The following SLIT3 variants were observed in gnomAD, a reference collection of about 807,000 sequenced individuals.
SLIT3 encodes slit guidance ligand 3.
Under a neutral mutation model 184.0 loss-of-function variants are expected in SLIT3, and 68 were observed. That is an observed-to-expected ratio of 0.37 (90% CI 0.30 to 0.45). SLIT3 has a LOEUF of 0.45. SLIT3 is among the 20% of genes least tolerant of loss of function. The probability of loss-of-function intolerance (pLI) is 1.00; values close to 1 mark genes in which losing one functional copy is unlikely to be tolerated. For missense variants in SLIT3, 1,707 were observed against 2,026.0 expected, an observed-to-expected ratio of 0.84 and a Z score of 3.02; for synonymous variants, 831 against 828.6, an observed-to-expected ratio of 1.00 and a Z score of -0.05.
chr5:168,760,851 AGTT>A lies in SLIT3; in HGVS notation c.1685+8_1685+10del, dbSNP rs745804482. 3.8e-5 allele frequency: 61 copies of A among 1,607,040 alleles called. No individual in the cohort carries two copies. Among genetic ancestry groups the A allele is most frequent in the Non-Finnish European group, 5.0e-5 (59 of 1,173,772 alleles). Reference sequence around the variant, plus strand: ...ACAGAGGCTGCTGCCAAGTTCCTGAAGTTGACTTACATTTTCCGCAGGTTGGGC... The same window carrying A: ...ACAGAGGCTGCTGCCAAGTTCCTGAAGACTTACATTTTCCGCAGGTTGGGC... On this transcript the variant is annotated splice_region_variant and intron_variant, in intron 16 of 35. Coordinates refer to ENST00000519560, the MANE Select transcript of SLIT3 (RefSeq NM_003062.4).
intron 16 of SLIT3, 22 bp downstream of exon 16, chr5:168,760,840 C>T: frequency 6.3e-7 from 1 of 1,594,354 alleles, no homozygotes; most frequent in South Asian, 1.1e-5. Flanking sequence ...AGGCTGCTGC[C>T]AAGTTCCTGA....
At chr5:169,126,539 G>A (rs1761086400) in intron 4 of SLIT3, among the ~76,000 whole-genome samples, 1 of 152,204 alleles carries the variant, frequency 6.6e-6, no homozygotes, top group Non-Finnish European at 1.5e-5. Flanking sequence ...GCACAACTTA[G>A]ACCTGGACTG....
chr5:168,749,515 C>T lies in SLIT3; in HGVS notation c.2094G>A (p.Glu698=). ...GGATGGCCACATCCTGGATGGGAAT[C>T]TCCTTGAGGAAAAATGGCTTCTGGC... ...PRCQKPFFLK[E]IPIQDVAIQD... The change falls in exon 19 of 36, where the codon GAG becomes GAA. Residue 698 remains glutamate (E), a synonymous_variant. Transcript: ENST00000519560. 1.2e-6 allele frequency: 2 copies of T among 1,614,188 alleles called. No homozygotes were observed. The highest frequency in any genetic ancestry group is 1.7e-6 in the Non-Finnish European group (2 of 1,180,022).
intron 4 of SLIT3, among the ~76,000 whole-genome samples, chr5:168,938,444 T>G (rs1284827531): frequency 1.3e-5 from 2 of 152,192 alleles, no homozygotes; most frequent in Admixed American, 6.5e-5. Flanking sequence ...ACTGAGAAAG[T>G]GACAGATGGA....
At chr5:168,897,902 C>T (rs533605944) in intron 4 of SLIT3, among the ~76,000 whole-genome samples, 54 of 150,530 alleles carry the variant, frequency 3.6e-4, no homozygotes, top group African/African-American at 8.3e-4. Flanking sequence ...GACACCCCCC[C>T]ACCTTTGCAT....
chr5:168,706,691 G>T (rs1762380928), intron 26 of SLIT3: 1 of 152,224 alleles, frequency 6.6e-6, no homozygotes, highest in Non-Finnish European at 1.5e-5. Context: ...GTAAGTTTAA[G>T]ACTTTGGAGG....
rs780222787 is a variant in SLIT3, at chr5:168,710,976, C to T, written c.2638G>A (p.Gly880Ser). ...TCAGGGCTACTGCAGCGGGCGATGCCAGGCTCCTTGTACCCCGCCTTCACC... is the reference window on the plus strand; with the variant it reads ...TCAGGGCTACTGCAGCGGGCGATGCTAGGCTCCTTGTACCCCGCCTTCACC... ...EWVKAGYKEP[G>S]IARCSSPEPM... Residue 880 changes from glycine to serine, a missense_variant, in exon 25 of 36, where the codon GGC (glycine) becomes AGC (serine). Physicochemically the swap from Gly to Ser is moderately conservative, Grantham distance 56 (BLOSUM62 0). This residue lies in a region of SLIT3 where 1,307 missense variants were observed against 1,511.6 expected (regional missense o/e 0.86). Transcript: ENST00000519560. 6.4e-7 allele frequency: 1 copy of T among 1,568,354 alleles called. No individual in the cohort carries two copies. Among genetic ancestry groups the T allele is most frequent in the Non-Finnish European group, 8.7e-7 (1 of 1,155,770 alleles).
chr5:169,176,217 G>A (rs79983152), intron 4 of SLIT3, among the ~76,000 whole-genome samples: 1,613 of 152,246 alleles, frequency 0.011, 16 homozygotes, highest in Middle Eastern at 0.017. Flanking sequence ...CAGAGAGAGG[G>A]AAGGCCTGGA....
chr5:169,219,226 C>G (rs1351531414), intron 3 of SLIT3, among the ~76,000 whole-genome samples: 1 of 152,204 alleles, frequency 6.6e-6, no homozygotes, highest in Non-Finnish European at 1.5e-5. Flanking sequence ...ACCTCCAGCA[C>G]AGACCACAGC....
chr5:168,765,557 C>T (rs1339791106), intron 14 of SLIT3, among the ~76,000 whole-genome samples: 1 of 152,208 alleles, frequency 6.6e-6, no homozygotes, highest in Non-Finnish European at 1.5e-5. Flanking sequence ...ACCGAAACTA[C>T]TCAGGGTTTC....
chr5:169,065,748 G>C (rs900592591), intron 4 of SLIT3, among the ~76,000 whole-genome samples: 1 of 152,196 alleles, frequency 6.6e-6, no homozygotes, highest in South Asian at 2.1e-4. Flanking sequence ...GAGCTGGAAG[G>C]CTTCTTCCCA....
chr5:169,139,059 T>C (rs1761629017), intron 4 of SLIT3, among the ~76,000 whole-genome samples: 1 of 152,188 alleles, frequency 6.6e-6, no homozygotes, highest in Admixed American at 6.5e-5. Context: ...CCCTCACTTT[T>C]CACCAGCATG....
In SLIT3 at chr5:168,662,869, C is replaced by A. The variant is rs1052061750; in HGVS notation, c.*3585G>T. 6.6e-6 allele frequency: 1 copy of A among 152,192 alleles called. No homozygotes were observed. The highest frequency in any genetic ancestry group is 2.4e-5 in the African/African-American group (1 of 41,422). 9.4% of individuals were successfully genotyped at this position (152,192 alleles called of 1,614,324 possible). ...GAACTCTTCCTGCCTCATGGAATGT[C>A]CTGTTTCTAGAATGTGACTGCTCAA... On this transcript the variant is annotated 3_prime_UTR_variant, in exon 36 of 36. Transcript: ENST00000519560.
intron 4 of SLIT3, among the ~76,000 whole-genome samples, chr5:169,186,653 T>C (rs979648837): frequency 1.3e-5 from 2 of 152,082 alleles, no homozygotes; most frequent in African/African-American, 4.8e-5. Flanking sequence ...CAAAGAAACA[T>C]GAGATAATGG....
intron 13 of SLIT3, among the ~76,000 whole-genome samples, chr5:168,773,933 T>C (rs926821234): frequency 6.6e-6 from 1 of 152,202 alleles, no homozygotes; most frequent in African/African-American, 2.4e-5. Context: ...CTGAGGAAGT[T>C]ACCTAACCAT....
In SLIT3 at chr5:168,961,536, C is replaced by T. The variant is rs140228020; in HGVS notation, c.414-78200G>A. Among the ~76,000 whole-genome samples the T allele has an allele frequency of 2.4e-3, 367 of 152,172 alleles. 3 individuals are homozygous for T. The highest frequency in any genetic ancestry group is 8.2e-3 in the African/African-American group (341 of 41,508). ...ATAATAGCAATAAGTACGTTGAAGA[C>T]AAAATGTGAGTGTTATAGGAGTTTA... On this transcript the variant is annotated intron_variant, in intron 4 of 35. Transcript: ENST00000519560.
At chr5:169,084,669 C>G (rs1397247710) in intron 4 of SLIT3, among the ~76,000 whole-genome samples, 1 of 152,134 alleles carries the variant, frequency 6.6e-6, no homozygotes, top group Non-Finnish European at 1.5e-5. Context: ...AAAAACAAAA[C>G]CAAAAACCAG....
At chr5:168,795,412 A>G in intron 10 of SLIT3, 95 bp downstream of exon 10, 1 of 899,156 alleles carries the variant, frequency 1.1e-6, no homozygotes, top group Non-Finnish European at 1.9e-6. Flanking sequence ...AGGAATGGAC[A>G]TGGTCCGTCA....
chr5:169,292,331 C>G (rs1159209461), intron 1 of SLIT3, among the ~76,000 whole-genome samples: 1 of 152,106 alleles, frequency 6.6e-6, no homozygotes, highest in Admixed American at 6.5e-5. Flanking sequence ...ACTTGTGGTA[C>G]TAGCCTAATA....
Sources: allele counts gnomAD v4.1 joint callset (sites outside exome capture counted in the v4.1 genomes callset), GRCh38; gene constraint gnomAD v4.1.1; regional missense constraint gnomAD v4.1.1; transcripts MANE v1.5; gene names NCBI Gene and HGNC (gene_info 2026-07-23, HGNC 2026-07-21).